FLRT1: variants seen among roughly 807,000 people sequenced by gnomAD.
FLRT1 encodes the protein leucine-rich repeat transmembrane protein FLRT1.
In FLRT1, 14 loss-of-function variants were observed where a neutral mutation model predicts 30.9. The observed-to-expected ratio is 0.45, with a 90% CI of 0.30 to 0.71. FLRT1 has a LOEUF of 0.71. FLRT1 is among the 30% of genes least tolerant of loss of function. The pLI is 0.08. For missense variants in FLRT1, 737 were observed against 949.2 expected, an observed-to-expected ratio of 0.78 and a Z score of 2.94; for synonymous variants, 368 against 430.4, an observed-to-expected ratio of 0.85 and a Z score of 1.80.
intron 1 of FLRT1, among the ~76,000 whole-genome samples, chr11:64,044,305 G>A (rs1044785767): frequency 2.3e-4 from 34 of 149,192 alleles, no homozygotes; most frequent in African/African-American, 8.5e-4. Flanking sequence ...AGGCTGGAGT[G>A]CAGTGGTGCA....
Position 64,036,244 on chromosome 11 carries a change from CG to C in FLRT1, c.-1038+90del. On this transcript the variant is annotated intron_variant, in intron 1 of 2. Coordinates refer to ENST00000682287, the MANE Select transcript of FLRT1 (RefSeq NM_013280.5). This position sits in a 1 kb window ranked among gnomAD's most constrained non-coding sequence, Gnocchi z 5.6. ...GCCGACGGGGCGGGGGCCGGGGGCC[CG>C]GGGGCACCGAAGCGCCACGGGGTCA... The C allele has an allele frequency of 1.3e-5, 2 of 152,066 alleles. No homozygotes were observed. Among genetic ancestry groups the C allele is most frequent in the Non-Finnish European group, 2.9e-5 (2 of 67,972 alleles). The allele number at this position is 152,066 out of a possible 1,614,324, so 9.4% of individuals were successfully genotyped here.
At chr11:64,039,368 G>C (rs1404654445) in intron 1 of FLRT1, among the ~76,000 whole-genome samples, 1 of 152,190 alleles carries the variant, frequency 6.6e-6, no homozygotes, top group East Asian at 1.9e-4. Flanking sequence ...CCAGGCCCTG[G>C]CTGCTGCCCC....
chr11:64,045,021 A>G (rs1434787017), intron 1 of FLRT1, among the ~76,000 whole-genome samples: 1 of 152,198 alleles, frequency 6.6e-6, no homozygotes, highest in East Asian at 1.9e-4. Context: ...GGAGGGCATT[A>G]TTCCTGGAGG....
At chr11:64,068,907 G>A (rs1200486752) in intron 1 of FLRT1, among the ~76,000 whole-genome samples, 1 of 152,224 alleles carries the variant, frequency 6.6e-6, no homozygotes, top group African/African-American at 2.4e-5. Context: ...GCGGGAAATG[G>A]GCATCCGTGT....
At chr11:64,098,894 T>C (rs1327196076) in intron 1 of FLRT1, among the ~76,000 whole-genome samples, 1 of 152,166 alleles carries the variant, frequency 6.6e-6, no homozygotes, top group African/African-American at 2.4e-5. Flanking sequence ...TAATGACACA[T>C]ACATAAAAAT....
intron 1 of FLRT1, chr11:64,060,534 G>C (rs1943879366): frequency 6.6e-6 from 1 of 152,222 alleles, no homozygotes; most frequent in Non-Finnish European, 1.5e-5. Flanking sequence ...TGTGCTGTGA[G>C]GGGTACCCAG....
intron 1 of FLRT1, among the ~76,000 whole-genome samples, chr11:64,081,530 C>A (rs1421851182): frequency 6.6e-6 from 1 of 152,102 alleles, no homozygotes; most frequent in Non-Finnish European, 1.5e-5. Flanking sequence ...AGTGTAACAC[C>A]CCCCCGACCC....
chr11:64,040,528 C>T (rs1020281651), intron 1 of FLRT1, among the ~76,000 whole-genome samples: 1 of 152,210 alleles, frequency 6.6e-6, no homozygotes, highest in African/African-American at 2.4e-5. Flanking sequence ...CTCTGCCTGT[C>T]CTTGCAGATG....
At chr11:64,115,325 G>A (rs188981681) in intron 2 of FLRT1, among the ~76,000 whole-genome samples, 21 of 151,814 alleles carry the variant, frequency 1.4e-4, no homozygotes, top group African/African-American at 4.6e-4. Context: ...GAGTACAGAC[G>A]TGACTCCTCC....
chr11:64,094,362 C>T (rs1018603767), intron 1 of FLRT1, among the ~76,000 whole-genome samples: 1 of 151,440 alleles, frequency 6.6e-6, no homozygotes, highest in Non-Finnish European at 1.5e-5. Flanking sequence ...ACCCAGGAGG[C>T]GGAGGTTGCA....
chr11:64,114,760 T>C (rs573765834), intron 2 of FLRT1, among the ~76,000 whole-genome samples: 4 of 152,060 alleles, frequency 2.6e-5, no homozygotes, highest in Admixed American at 6.5e-5. Flanking sequence ...CATGCATGAA[T>C]TGATGGATGG....
At chr11:64,080,075 C>A (rs1274259948) in intron 1 of FLRT1, among the ~76,000 whole-genome samples, 1 of 152,170 alleles carries the variant, frequency 6.6e-6, no homozygotes, top group African/African-American at 2.4e-5. Flanking sequence ...TGCAATGGCA[C>A]CATCCCTGTT....
At chr11:64,056,889 G>A (rs2134425883) in intron 1 of FLRT1, among the ~76,000 whole-genome samples, 1 of 152,284 alleles carries the variant, frequency 6.6e-6, no homozygotes, top group South Asian at 2.1e-4. Context: ...AAGGTACCAG[G>A]GTCGGAGCTG....
At chr11:64,069,509 G>A (rs960905115) in intron 1 of FLRT1, among the ~76,000 whole-genome samples, 14 of 152,222 alleles carry the variant, frequency 9.2e-5, no homozygotes, top group Admixed American at 8.5e-4. Flanking sequence ...GTAGGGGAAG[G>A]GCAAGCACAG....
chr11:64,117,759 G>T lies in FLRT1; in HGVS notation c.1492G>T (p.Glu498Ter). The T allele has an allele frequency of 6.2e-7, 1 of 1,614,074 alleles. No individual in the cohort carries two copies. Among genetic ancestry groups the T allele is most frequent in the South Asian group, 1.1e-5 (1 of 91,084 alleles). Residue 498 changes from glutamate to a stop codon, truncating the protein, a stop_gained, in exon 3 of 3, where the codon GAG becomes TAG. Transcript: ENST00000682287. LOFTEE classifies it high-confidence loss of function. The stretch of plus-strand genomic sequence containing the variant: ...GACAGAGTACCTGCTGACAGCCCTG[G>T]AGCCCAAGTCCACCTACATCATCTG... ...DKTEYLLTAL[E>*]PKSTYIICMV...
chr11:64,080,073 C>T (rs1944275909), intron 1 of FLRT1, among the ~76,000 whole-genome samples: 1 of 152,188 alleles, frequency 6.6e-6, no homozygotes, highest in African/African-American at 2.4e-5. Flanking sequence ...AGTGCAATGG[C>T]ACCATCCCTG....
chr11:64,102,791 T>G (rs975597458), intron 1 of FLRT1, among the ~76,000 whole-genome samples: 2 of 151,910 alleles, frequency 1.3e-5, no homozygotes, highest in African/African-American at 4.8e-5. Flanking sequence ...GGATCCAGGC[T>G]GGGTACAGTG....
intron 1 of FLRT1, among the ~76,000 whole-genome samples, chr11:64,076,224 C>T (rs1274687414): frequency 3.9e-5 from 6 of 152,186 alleles, no homozygotes; most frequent in Non-Finnish European, 7.4e-5. Flanking sequence ...CATGCAGGGT[C>T]CTGCTTCCTT....
At chr11:64,041,164 C>T (rs1943476741) in intron 1 of FLRT1, among the ~76,000 whole-genome samples, 1 of 116,072 alleles carries the variant, frequency 8.6e-6, no homozygotes, top group South Asian at 3.0e-4. Context: ...CTGAATTAAT[C>T]GTTGGCACCA....
Sources: allele counts gnomAD v4.1 joint callset (sites outside exome capture counted in the v4.1 genomes callset), GRCh38; gene constraint gnomAD v4.1.1; non-coding constraint Gnocchi (gnomAD v3.1); transcripts MANE v1.5; gene names NCBI Gene and HGNC (gene_info 2026-07-23, HGNC 2026-07-21).